KCNMA1: variants seen among roughly 807,000 people sequenced by gnomAD.
The protein encoded by KCNMA1 is potassium calcium-activated channel subfamily M alpha 1.
In KCNMA1, 29 loss-of-function variants were observed where a neutral mutation model predicts 140.0. That is an observed-to-expected ratio of 0.21 (90% CI 0.15 to 0.28). The LOEUF is 0.28. Among genes scored for constraint, KCNMA1 ranks in the 10% least tolerant of loss-of-function variants. The pLI, the probability that KCNMA1 is intolerant of heterozygous loss-of-function variation, is 1.00. For missense variants in KCNMA1, 880 were observed against 1,602.2 expected (o/e 0.55, Z 7.70); for synonymous variants, 612 against 611.9 (o/e 1.00, Z 0.00).
intron 2 of KCNMA1, among the ~76,000 whole-genome samples, chr10:77,319,720 G>A (rs1055957678): frequency 6.6e-6 from 1 of 152,210 alleles, no homozygotes; most frequent in African/African-American, 2.4e-5. Flanking sequence ...ACTTCTGGAT[G>A]GAAGCTCTTA....
intron 25 of KCNMA1, among the ~76,000 whole-genome samples, chr10:76,894,865 G>A (rs72803347): frequency 0.048 from 7,239 of 152,212 alleles, 241 homozygotes; most frequent in Non-Finnish European, 0.071. Context: ...CTCACACACT[G>A]CTGGTGGGAA....
chr10:77,006,239 A>C (rs1259132876), intron 18 of KCNMA1, among the ~76,000 whole-genome samples: 1 of 152,196 alleles, frequency 6.6e-6, no homozygotes, highest in African/African-American at 2.4e-5. Flanking sequence ...ACTGCTGGGG[A>C]AAATGTTTTA....
At chr10:77,081,734 T>C (rs1194157333) in intron 12 of KCNMA1, among the ~76,000 whole-genome samples, 2 of 152,302 alleles carry the variant, frequency 1.3e-5, no homozygotes, top group African/African-American at 4.8e-5. Context: ...CTCAAGGACT[T>C]TGAGCCTCTG....
At chr10:77,496,766 G>A (rs890183597) in intron 1 of KCNMA1, among the ~76,000 whole-genome samples, 1 of 152,092 alleles carries the variant, frequency 6.6e-6, no homozygotes, top group Non-Finnish European at 1.5e-5. Flanking sequence ...CTGAAGTTCA[G>A]CTAGATTAAG....
chr10:77,142,257 G>T lies in KCNMA1; in HGVS notation c.809-21209C>A, dbSNP rs371044447. On this transcript the variant is annotated intron_variant, in intron 5 of 27. Coordinates refer to ENST00000286628, the MANE Select transcript of KCNMA1 (RefSeq NM_001161352.2). ...GTGGTGGCAGGTGCCTGTAGTCCCA[G>T]CTACTCAGGAGGCTGAGGCAGGAGA... Among the ~76,000 whole-genome samples the T allele has an allele frequency of 8.0e-3, 1,219 of 151,996 alleles. 15 individuals are homozygous for T. Among genetic ancestry groups the T allele is most frequent in the African/African-American group, 0.028 (1,163 of 41,452 alleles).
At chr10:77,156,374 AT>A (rs2098484627) in intron 5 of KCNMA1, among the ~76,000 whole-genome samples, 1 of 151,908 alleles carries the variant, frequency 6.6e-6, no homozygotes, top group South Asian at 2.1e-4. Context: ...TTTTTCTCCA[AT>A]TTTTCTACAT....
intron 1 of KCNMA1, among the ~76,000 whole-genome samples, chr10:77,522,268 C>T (rs1603632475): frequency 6.6e-6 from 1 of 152,112 alleles, no homozygotes; most frequent in East Asian, 1.9e-4. Context: ...CACCTTGGGG[C>T]AGAGTAGGGG....
At chr10:77,520,183 A>G (rs112034866) in intron 1 of KCNMA1, among the ~76,000 whole-genome samples, 31 of 49,230 alleles carry the variant, frequency 6.3e-4, no homozygotes, top group East Asian at 2.1e-3. Context: ...GGGCTGGGGT[A>G]TGCAGTGTGA....
intron 26 of KCNMA1, among the ~76,000 whole-genome samples, chr10:76,890,545 C>T (rs1328420502): frequency 6.6e-6 from 1 of 152,200 alleles, no homozygotes; most frequent in African/African-American, 2.4e-5. Flanking sequence ...TAACATAGGT[C>T]CCAGTCCATG....
intron 5 of KCNMA1, among the ~76,000 whole-genome samples, chr10:77,153,688 C>T (rs2098450565): frequency 6.6e-6 from 1 of 152,124 alleles, no homozygotes; most frequent in African/African-American, 2.4e-5. Flanking sequence ...TGAACCCAAA[C>T]CCACCCTGAT....
Position 77,428,980 on chromosome 10 carries a change from T to A in KCNMA1, c.379-24957A>T, listed in dbSNP as rs558404816. On this transcript the variant is annotated intron_variant, in intron 1 of 27. Transcript: ENST00000286628. The stretch of plus-strand genomic sequence containing the variant: ...GAAACAAGACCCAGGAAAGGGAGAC[T>A]AAATGTTCTTCTCAACTAGCCACCA... Among the ~76,000 whole-genome samples, 31 of 152,254 alleles carry A rather than the reference T, an allele frequency of 2.0e-4. 1 individual carries two copies. The East Asian group carries it at 6.0e-3, about 29-fold the overall frequency.
chr10:76,984,609 A>C (rs534815978), intron 19 of KCNMA1, among the ~76,000 whole-genome samples: 39 of 152,220 alleles, frequency 2.6e-4, no homozygotes, highest in Non-Finnish European at 4.7e-4. Flanking sequence ...TCCTGAGGTG[A>C]ATAGAAGCCT....
At chr10:77,443,240 C>T (rs764872065) in intron 1 of KCNMA1, among the ~76,000 whole-genome samples, 4 of 152,140 alleles carry the variant, frequency 2.6e-5, no homozygotes, top group Non-Finnish European at 5.9e-5. Context: ...TCAGTGGTCC[C>T]GGCAGGCTTC....
chr10:77,539,503 T>C (rs1012049609), intron 1 of KCNMA1, among the ~76,000 whole-genome samples: 2 of 152,176 alleles, frequency 1.3e-5, no homozygotes, highest in Non-Finnish European at 2.9e-5. Context: ...TCCTCTTAAA[T>C]GGCAGATTTG....
At chr10:77,157,516 A>G (rs2098502330) in intron 5 of KCNMA1, among the ~76,000 whole-genome samples, 1 of 152,188 alleles carries the variant, frequency 6.6e-6, no homozygotes, top group African/African-American at 2.4e-5. Context: ...CATTTCTCTT[A>G]AATGAATATG....
At chr10:77,189,343 G>T (rs2098918015) in intron 3 of KCNMA1, among the ~76,000 whole-genome samples, 1 of 152,092 alleles carries the variant, frequency 6.6e-6, no homozygotes, top group South Asian at 2.1e-4. Flanking sequence ...GCTAATTGCT[G>T]GGATCAAGGG....
intron 2 of KCNMA1, among the ~76,000 whole-genome samples, chr10:77,264,081 T>C (rs953676253): frequency 2.0e-5 from 3 of 152,184 alleles, no homozygotes; most frequent in Admixed American, 6.5e-5. Flanking sequence ...TTCCCACTCC[T>C]ACAGCCTGGA....
intron 1 of KCNMA1, among the ~76,000 whole-genome samples, chr10:77,514,160 G>A (rs902679556): frequency 2.0e-5 from 3 of 152,208 alleles, no homozygotes; most frequent in South Asian, 2.1e-4. Context: ...GCCCTGATGC[G>A]TCAGACCTTA....
chr10:77,622,243 C>T lies in KCNMA1; in HGVS notation c.378+15022G>A, dbSNP rs150906456. Among the ~76,000 whole-genome samples the T allele has an allele frequency of 4.9e-4, 74 of 152,348 alleles. No homozygotes were observed. In the East Asian group the frequency reaches 0.013, roughly 28 times the overall value. ...TACCTGAGAATTCAGTAGTACAAAACTCTCTGAACTTGTCAAGGGACCTCA... is the reference window on the plus strand; with the variant it reads ...TACCTGAGAATTCAGTAGTACAAAATTCTCTGAACTTGTCAAGGGACCTCA... On this transcript the variant is annotated intron_variant, in intron 1 of 27. Coordinates refer to ENST00000286628, the MANE Select transcript of KCNMA1 (RefSeq NM_001161352.2).
Sources: gnomAD v4.1 joint callset for allele counts (sites outside exome capture counted in the v4.1 genomes callset) on GRCh38, gnomAD v4.1.1 for gene constraint, MANE v1.5 for transcripts, NCBI Gene and HGNC (gene_info 2026-07-23, HGNC 2026-07-21) for gene names.